The following KCNH7 variants were observed in gnomAD, a reference collection of about 807,000 sequenced individuals.
The protein encoded by KCNH7 is voltage-gated inwardly rectifying potassium channel KCNH7.
A neutral mutation model predicts 120.8 loss-of-function variants in KCNH7; 49 were observed. The ratio of observed to expected loss-of-function variants is 0.41; its 90% CI spans 0.32 to 0.51. The LOEUF is 0.51. KCNH7 is among the 20% of genes least tolerant of loss of function. The pLI, the probability that KCNH7 is intolerant of heterozygous loss-of-function variation, is 0.38. For missense variants in KCNH7, 1,097 were observed against 1,446.6 expected, an observed-to-expected ratio of 0.76 and a Z score of 3.92; for synonymous variants, 547 against 516.1, an observed-to-expected ratio of 1.06 and a Z score of -0.81.
At chr2:162,529,839 A>G (rs1389075968) in intron 3 of KCNH7, among the ~76,000 whole-genome samples, 1 of 151,920 alleles carries the variant, frequency 6.6e-6, no homozygotes, top group Non-Finnish European at 1.5e-5. Flanking sequence ...AACTTTTTAC[A>G]GAAGACTTCA....
At chr2:162,631,996 T>C (rs750823633) in intron 2 of KCNH7, among the ~76,000 whole-genome samples, 54 of 151,912 alleles carry the variant, frequency 3.6e-4, no homozygotes, top group Non-Finnish European at 8.8e-5. Flanking sequence ...AAAAAACTAC[T>C]AGAGAACATC....
At chr2:162,788,190 T>C (rs895958530) in intron 2 of KCNH7, among the ~76,000 whole-genome samples, 1 of 152,220 alleles carries the variant, frequency 6.6e-6, no homozygotes, top group Non-Finnish European at 1.5e-5. Flanking sequence ...ACAAACAGTC[T>C]CTGATTTATG....
intron 2 of KCNH7, among the ~76,000 whole-genome samples, chr2:162,553,982 T>G (rs540367483): frequency 2.8e-4 from 42 of 152,364 alleles, no homozygotes; most frequent in South Asian, 8.3e-4. Context: ...TCTAGTTATT[T>G]GAGAAATGTT....
chr2:162,700,810 C>T (rs1276200988), intron 2 of KCNH7, among the ~76,000 whole-genome samples: 1 of 152,088 alleles, frequency 6.6e-6, no homozygotes, highest in African/African-American at 2.4e-5. Context: ...AAGATTGTTG[C>T]TCATTCATTT....
chr2:162,761,286 G>A (rs1688957943), intron 2 of KCNH7, among the ~76,000 whole-genome samples: 1 of 151,954 alleles, frequency 6.6e-6, no homozygotes, highest in South Asian at 2.1e-4. Flanking sequence ...CTATTGCTTG[G>A]TTGGCTTAGC....
At chr2:162,620,147 T>A (rs1206126659) in intron 2 of KCNH7, among the ~76,000 whole-genome samples, 2 of 148,862 alleles carry the variant, frequency 1.3e-5, no homozygotes, top group African/African-American at 5.0e-5. Flanking sequence ...GGTAGAGAAA[T>A]ATAGATATAT....
intron 2 of KCNH7, among the ~76,000 whole-genome samples, chr2:162,612,701 T>C (rs1248743680): frequency 6.6e-6 from 1 of 152,042 alleles, no homozygotes; most frequent in Non-Finnish European, 1.5e-5. Context: ...ATGAATACTA[T>C]ATAATTTAGT....
chr2:162,399,806 A>G (rs542800831), intron 10 of KCNH7, among the ~76,000 whole-genome samples: 29 of 151,990 alleles, frequency 1.9e-4, no homozygotes, highest in African/African-American at 7.0e-4. Flanking sequence ...GCTTTGGCAC[A>G]TGCTAGCAAG....
At chr2:162,723,545 G>T (rs541372266) in intron 2 of KCNH7, among the ~76,000 whole-genome samples, 3 of 152,254 alleles carry the variant, frequency 2.0e-5, no homozygotes, top group Admixed American at 2.0e-4. Flanking sequence ...TTTTTGCTCA[G>T]TTTAACTTTA....
At chr2:162,448,523 T>TA (rs1242905794) in intron 6 of KCNH7, among the ~76,000 whole-genome samples, 1 of 152,028 alleles carries the variant, frequency 6.6e-6, no homozygotes, top group Non-Finnish European at 1.5e-5. Context: ...ATCTTTTTCA[T>TA]AAAAAAGGCG....
At chr2:162,407,537 G>A (rs1687265595) in intron 9 of KCNH7, among the ~76,000 whole-genome samples, 1 of 151,948 alleles carries the variant, frequency 6.6e-6, no homozygotes, top group Non-Finnish European at 1.5e-5. Flanking sequence ...CCCAGGCTCT[G>A]GAGTCCTTGT....
intron 13 of KCNH7, among the ~76,000 whole-genome samples, chr2:162,381,774 C>T (rs754204569): frequency 6.6e-6 from 1 of 151,930 alleles, no homozygotes; most frequent in African/African-American, 2.4e-5. Flanking sequence ...TATAAGTGAA[C>T]CTAAAAAGAT....
chr2:162,764,262 C>T (rs1689067591), intron 2 of KCNH7, among the ~76,000 whole-genome samples: 1 of 152,014 alleles, frequency 6.6e-6, no homozygotes, highest in South Asian at 2.1e-4. Context: ...ATAGCAGCAG[C>T]TACAAGAAGC....
Position 162,838,425 on chromosome 2 carries a change from G to A in KCNH7, c.76+18C>T. The A allele has an allele frequency of 6.2e-7, 1 of 1,606,040 alleles. No homozygotes were observed. The highest frequency in any genetic ancestry group is 1.1e-5 in the South Asian group (1 of 90,906). ...AAGGCAGAAAGCGAGGGCGAGAGAA[G>A]AGAACAAACGAACTTACTTTGCCCT... On this transcript the variant is annotated intron_variant, in intron 1 of 15. Transcript: ENST00000332142.
At chr2:162,777,773 A>G (rs968365730) in intron 2 of KCNH7, among the ~76,000 whole-genome samples, 1 of 152,176 alleles carries the variant, frequency 6.6e-6, no homozygotes, top group Non-Finnish European at 1.5e-5. Context: ...AGGTTAAAAT[A>G]CATGACTCTG....
At chr2:162,574,613 C>A (rs1693607316) in intron 2 of KCNH7, among the ~76,000 whole-genome samples, 1 of 152,050 alleles carries the variant, frequency 6.6e-6, no homozygotes, top group East Asian at 1.9e-4. Context: ...ATGAATGCCA[C>A]TGGCACTTTC....
chr2:162,654,003 A>T (rs942016344), intron 2 of KCNH7, among the ~76,000 whole-genome samples: 15 of 152,178 alleles, frequency 9.9e-5, no homozygotes, highest in African/African-American at 3.6e-4. Context: ...TTCAAAATGT[A>T]TTAAAGACTT....
At chr2:162,387,946 T>C (rs1293477574) in intron 12 of KCNH7, among the ~76,000 whole-genome samples, 1 of 151,822 alleles carries the variant, frequency 6.6e-6, no homozygotes, top group East Asian at 1.9e-4. Context: ...ACATAAGCTT[T>C]GGTCAAAGAG....
rs1020193348 is a variant in KCNH7, at chr2:162,624,496, T to C, written c.308-87416A>G. ...TTCCCATCTGAAAAATGGCAAACAA[T>C]AGTGCCTAGAAATGCATGGTGTAAA... is the stretch of plus-strand genomic sequence containing the variant. On this transcript the variant is annotated intron_variant, in intron 2 of 15. Transcript: ENST00000332142. Among the ~76,000 whole-genome samples the C allele has an allele frequency of 2.6e-5, 4 of 152,246 alleles. No individual in the cohort carries two copies. The East Asian group carries it at 7.7e-4, about 29-fold the overall frequency.
Sources: allele counts gnomAD v4.1 joint callset (sites outside exome capture counted in the v4.1 genomes callset), GRCh38; gene constraint gnomAD v4.1.1; transcripts MANE v1.5; gene names NCBI Gene and HGNC (gene_info 2026-07-23, HGNC 2026-07-21).